RAB3IP: variants seen among roughly 807,000 people sequenced by gnomAD.
RAB3IP encodes the protein rab-3A-interacting protein.
RAB3IP carries 36 observed loss-of-function variants against 59.1 expected under a neutral mutation model. The observed-to-expected ratio is 0.61, with a 90% CI of 0.47 to 0.80. The LOEUF (loss-of-function observed/expected upper bound fraction) is 0.80. Ranked by LOEUF, RAB3IP falls within the 30% of genes least tolerant of loss-of-function variation. The pLI is 0.00. For synonymous variants in RAB3IP, 207 were observed against 191.2 expected (o/e 1.08, Z -0.68); for missense variants, 511 against 536.0 (o/e 0.95, Z 0.46).
chr12:69,787,681 G>A (rs1226779228), intron 4 of RAB3IP, among the ~76,000 whole-genome samples: 1 of 152,102 alleles, frequency 6.6e-6, no homozygotes, highest in Non-Finnish European at 1.5e-5. Context: ...AGGACATAGA[G>A]CACATTGCCT....
rs1041732821 is a variant in RAB3IP, at chr12:69,819,097, A to C, written c.*3651A>C. The C allele has an allele frequency of 6.6e-6, 1 of 152,196 alleles. No homozygotes were observed. The highest frequency in any genetic ancestry group is 2.4e-5 in the African/African-American group (1 of 41,432). The allele number at this position is 152,196 out of a possible 1,614,324, so 9.4% of individuals were successfully genotyped here. A position where few individuals can be genotyped will look rare whatever the true frequency, so the allele number is the denominator to read the frequency against. On this transcript the variant is annotated 3_prime_UTR_variant, in exon 11 of 11. Coordinates refer to ENST00000247833, the MANE Select transcript of RAB3IP (RefSeq NM_022456.5). Reference sequence around the variant, plus strand: ...TGCCCCCCTTTAAAAAAATTCAAAAACAAAATAAATGCATGGACAAATGAA... The same window carrying C: ...TGCCCCCCTTTAAAAAAATTCAAAACCAAAATAAATGCATGGACAAATGAA...
chr12:69,810,814 C>G (rs1366499657), intron 8 of RAB3IP, among the ~76,000 whole-genome samples: 2 of 152,070 alleles, frequency 1.3e-5, no homozygotes, highest in African/African-American at 4.8e-5. Flanking sequence ...TAGATTTAGA[C>G]ATATTGACAT....
At chr12:69,794,753 G>T (rs1877175895) in intron 5 of RAB3IP, among the ~76,000 whole-genome samples, 1 of 152,042 alleles carries the variant, frequency 6.6e-6, no homozygotes, top group South Asian at 2.1e-4. Flanking sequence ...ATTATCCAAA[G>T]GATTATAGAA....
At chr12:69,754,903 T>A (rs1023774522) in intron 1 of RAB3IP, among the ~76,000 whole-genome samples, 3 of 152,212 alleles carry the variant, frequency 2.0e-5, no homozygotes, top group African/African-American at 4.8e-5. Context: ...TTAATAATTT[T>A]AAAATATTTT....
At chr12:69,759,999 A>G (rs192848569) in intron 3 of RAB3IP, among the ~76,000 whole-genome samples, 1,921 of 152,162 alleles carry the variant, frequency 0.013, 50 homozygotes, top group African/African-American at 0.044. Flanking sequence ...AGAGGCTGCA[A>G]TCTCGTCACT....
intron 3 of RAB3IP, among the ~76,000 whole-genome samples, chr12:69,762,867 G>C (rs1871580209): frequency 6.6e-6 from 1 of 151,638 alleles, no homozygotes; most frequent in Non-Finnish European, 1.5e-5. Context: ...GAGAGTCATT[G>C]AAAATCACAT....
At chr12:69,813,114 A>T in intron 10 of RAB3IP, 81 bp downstream of exon 10, 1 of 913,712 alleles carries the variant, frequency 1.1e-6, no homozygotes, top group Non-Finnish European at 1.7e-6. Flanking sequence ...AAAGTATAGA[A>T]TAGTAGTAAT....
At chr12:69,811,583 G>A (rs1054093920) in intron 8 of RAB3IP, among the ~76,000 whole-genome samples, 1 of 152,168 alleles carries the variant, frequency 6.6e-6, no homozygotes, top group Admixed American at 6.5e-5. Flanking sequence ...ACTTTTGGAA[G>A]TTCCACAGAC....
rs1248512700 is a variant in RAB3IP at position 69,820,361 on chromosome 12, G to A, written c.*4915G>A. Reference sequence around the variant, plus strand: ...CTTAAATCTGTCTACCTCCCTCCATGTCCACTGCTACCACTCTGCCCAAGC... The same window carrying A: ...CTTAAATCTGTCTACCTCCCTCCATATCCACTGCTACCACTCTGCCCAAGC... On this transcript the variant is annotated 3_prime_UTR_variant, in exon 11 of 11. Transcript: ENST00000247833. 1 of 151,806 alleles carries A rather than the reference G, an allele frequency of 6.6e-6. No homozygotes were observed. Among genetic ancestry groups the A allele is most frequent in the Non-Finnish European group, 1.5e-5 (1 of 67,998 alleles). The allele number at this position is 151,806 out of a possible 1,614,324, so 9.4% of individuals were successfully genotyped here.
chr12:69,781,066 A>G (rs573276309), intron 3 of RAB3IP, among the ~76,000 whole-genome samples: 1 of 152,272 alleles, frequency 6.6e-6, no homozygotes, highest in African/African-American at 2.4e-5. Context: ...CTCTTTTTCC[A>G]AGTAATACTT....
intron 7 of RAB3IP, 49 bp downstream of exon 7, chr12:69,800,386 T>C: frequency 8.4e-7 from 1 of 1,188,228 alleles, no homozygotes; most frequent in Non-Finnish European, 1.2e-6. Context: ...GTTTCTGTAC[T>C]TCTTTTAAAC....
rs1361163366 is a variant in RAB3IP, at chr12:69,806,816, C to G, written c.1130+5095C>G. 2.0e-5 allele frequency among the ~76,000 whole-genome samples: 3 copies of G among 152,140 alleles called. No individual in the cohort carries two copies. The East Asian group carries it at 5.8e-4, about 29-fold the overall frequency. On this transcript the variant is annotated intron_variant, in intron 8 of 10. Coordinates refer to ENST00000247833, the MANE Select transcript of RAB3IP (RefSeq NM_022456.5). ...ATGCAGCCTTTAAGCATCTGTTTAACAAAGCACATCTTGCACTGCCCTTAA... is the reference window on the plus strand; with the variant it reads ...ATGCAGCCTTTAAGCATCTGTTTAAGAAAGCACATCTTGCACTGCCCTTAA...
At position 69,823,049 on chromosome 12, in the gene RAB3IP, A is replaced by C. The variant is rs1296056750; in HGVS notation, c.*7603A>C. 1.3e-5 allele frequency: 2 copies of C among 152,200 alleles called. No homozygotes were observed. Among genetic ancestry groups the C allele is most frequent in the South Asian group, 2.1e-4 (1 of 4,830 alleles). The allele number at this position is 152,200 out of a possible 1,614,324, so 9.4% of individuals were successfully genotyped here. ...GAAGTTGTTGAATGTTTCCAACATAAAGAAATGATAAGTGTTTGAGATGAT... is the reference window on the plus strand; with the variant it reads ...GAAGTTGTTGAATGTTTCCAACATACAGAAATGATAAGTGTTTGAGATGAT... On this transcript the variant is annotated 3_prime_UTR_variant, in exon 11 of 11. Transcript: ENST00000247833.
chr12:69,756,791 C>G, intron 3 of RAB3IP, 128 bp downstream of exon 3: 1 of 768,334 alleles, frequency 1.3e-6, no homozygotes, highest in Non-Finnish European at 2.0e-6. Context: ...TGCCCAGCCT[C>G]AGCTCCTGTT....
chr12:69,741,001 G>A (rs1887277873), intron 1 of RAB3IP, among the ~76,000 whole-genome samples: 1 of 152,200 alleles, frequency 6.6e-6, no homozygotes, highest in South Asian at 2.1e-4. Context: ...TAACCTGTTT[G>A]AGCTTATTTT....
intron 10 of RAB3IP, among the ~76,000 whole-genome samples, chr12:69,814,852 A>G (rs774092887): frequency 1.2e-4 from 18 of 152,184 alleles, no homozygotes; most frequent in African/African-American, 4.3e-4. Flanking sequence ...TTCCACATGC[A>G]TTTTTATTTC....
At chr12:69,810,276 T>TGTGAGGTGAC (rs1321115175) in intron 8 of RAB3IP, among the ~76,000 whole-genome samples, 2 of 152,044 alleles carry the variant, frequency 1.3e-5, no homozygotes, top group Non-Finnish European at 2.9e-5. Flanking sequence ...CTCAGAGGAG[T>TGTGAGGTGAC]ACCCGGCAGT....
chr12:69,799,430 A>T (rs1464619663), intron 6 of RAB3IP, among the ~76,000 whole-genome samples: 1 of 152,184 alleles, frequency 6.6e-6, no homozygotes, highest in Non-Finnish European at 1.5e-5. Flanking sequence ...GTAGGGAAGA[A>T]TACTTGGGGA....
Position 69,756,587 on chromosome 12 carries a change from T to G in RAB3IP, c.434T>G (p.Leu145Ter). ...TTGAGTACTGATAGTCTGTCTCGTT[T>G]ACGAAGCCCATCTGTTTTGGAAGTT... ...FGLSTDSLSR[L>*]RSPSVLEVRE... Residue 145 changes from leucine to a stop codon, truncating the protein, a stop_gained, in exon 3 of 11, where the codon TTA (leucine) becomes TGA (stop). Coordinates refer to ENST00000247833, the MANE Select transcript of RAB3IP (RefSeq NM_022456.5). LOFTEE classifies it high-confidence loss of function. The G allele has an allele frequency of 6.2e-7, 1 of 1,614,152 alleles. No homozygotes were observed. The highest frequency in any genetic ancestry group is 1.3e-5 in the African/African-American group (1 of 75,058).
Sources: allele counts gnomAD v4.1 joint callset (sites outside exome capture counted in the v4.1 genomes callset), GRCh38; gene constraint gnomAD v4.1.1; transcripts MANE v1.5; gene names NCBI Gene and HGNC (gene_info 2026-07-23, HGNC 2026-07-21).